Variants in SDK1 observed in about 807,000 individuals in gnomAD.
The protein encoded by SDK1 is protein sidekick-1.
In SDK1, 157 loss-of-function variants were observed where a neutral mutation model predicts 245.5. The observed-to-expected ratio is 0.64, with a 90% CI of 0.56 to 0.73. The LOEUF (loss-of-function observed/expected upper bound fraction) is 0.73. Among genes scored for constraint, SDK1 ranks in the 30% least tolerant of loss-of-function variants. SDK1 has a pLI of 0.00. For missense variants in SDK1, 3,583 were observed against 3,002.3 expected, an observed-to-expected ratio of 1.19 and a Z score of -4.52; for synonymous variants, 1,647 against 1,278.5, an observed-to-expected ratio of 1.29 and a Z score of -6.15.
rs149839477 is a variant in SDK1 at position 4,074,449 on chromosome 7, G to A, written c.3011-2549G>A. Among the ~76,000 whole-genome samples, 297 of 152,272 alleles carry A rather than the reference G, an allele frequency of 2.0e-3. 1 individual carries two copies. The highest frequency in any genetic ancestry group is 0.014 in the Middle Eastern group (4 of 294). On this transcript the variant is annotated intron_variant, in intron 20 of 44. Transcript: ENST00000404826. ...CTTGGTTTCTTCCTTTGTGAAATAG[G>A]ATAACAATGGCTCCAATTTCAAAGG...
chr7:3,590,444 T>C (rs186456152), intron 1 of SDK1, among the ~76,000 whole-genome samples: 63 of 152,212 alleles, frequency 4.1e-4, no homozygotes, highest in African/African-American at 1.5e-3. Flanking sequence ...TGTAACAAAT[T>C]TAATGACAAA....
chr7:3,940,851 G>A (rs1042685120), intron 5 of SDK1, among the ~76,000 whole-genome samples: 1 of 151,952 alleles, frequency 6.6e-6, no homozygotes, highest in Non-Finnish European at 1.5e-5. Flanking sequence ...AAAGGTCAGT[G>A]CTCCCTGGCT....
chr7:3,533,572 A>G (rs1783420098), intron 1 of SDK1, among the ~76,000 whole-genome samples: 2 of 152,342 alleles, frequency 1.3e-5, no homozygotes, highest in African/African-American at 4.8e-5. Flanking sequence ...TCTGTAATGA[A>G]AAATGGCAGT....
At chr7:3,950,570 T>C (rs1425891930) in intron 5 of SDK1, among the ~76,000 whole-genome samples, 2 of 152,242 alleles carry the variant, frequency 1.3e-5, no homozygotes, top group Non-Finnish European at 2.9e-5. Flanking sequence ...TACACATTTA[T>C]GACAGGTGTG....
chr7:3,542,590 C>T (rs144192059), intron 1 of SDK1, among the ~76,000 whole-genome samples: 1 of 152,184 alleles, frequency 6.6e-6, no homozygotes, highest in African/African-American at 2.4e-5. Context: ...ATTAAAATAG[C>T]ATTGATCTTT....
At chr7:4,055,517 T>C (rs1002031750) in intron 19 of SDK1, among the ~76,000 whole-genome samples, 2 of 151,808 alleles carry the variant, frequency 1.3e-5, no homozygotes, top group Non-Finnish European at 2.9e-5. Flanking sequence ...TATTGCTTGA[T>C]TTTTTTGGTT....
At chr7:3,725,768 T>C (rs986018147) in intron 4 of SDK1, among the ~76,000 whole-genome samples, 1 of 152,030 alleles carries the variant, frequency 6.6e-6, no homozygotes, top group Non-Finnish European at 1.5e-5. Context: ...AGTGTGGGAG[T>C]TGTACTGTCG....
At chr7:3,679,742 C>G (rs1343738133) in intron 4 of SDK1, among the ~76,000 whole-genome samples, 1 of 152,170 alleles carries the variant, frequency 6.6e-6, no homozygotes, top group Non-Finnish European at 1.5e-5. Flanking sequence ...AATAAAGAGA[C>G]AGTAACAACA....
chr7:3,988,514 A>G (rs1486053441), intron 14 of SDK1, among the ~76,000 whole-genome samples: 1 of 152,146 alleles, frequency 6.6e-6, no homozygotes, highest in East Asian at 1.9e-4. Flanking sequence ...GCAATATAGA[A>G]GCCAAATGCC....
intron 1 of SDK1, among the ~76,000 whole-genome samples, chr7:3,342,697 A>G (rs933066840): frequency 1.3e-5 from 2 of 152,226 alleles, no homozygotes; most frequent in Admixed American, 6.5e-5. Flanking sequence ...GTAAGTTAGA[A>G]CCAGTTAAAG....
intron 5 of SDK1, among the ~76,000 whole-genome samples, chr7:3,905,166 A>G (rs544886637): frequency 3.3e-5 from 5 of 152,114 alleles, no homozygotes; most frequent in African/African-American, 9.6e-5. Flanking sequence ...ATCAGTTCAT[A>G]GATAACTTCA....
At chr7:3,852,633 C>T (rs1427406616) in intron 5 of SDK1, among the ~76,000 whole-genome samples, 5 of 150,426 alleles carry the variant, frequency 3.3e-5, no homozygotes, top group Admixed American at 3.3e-4. Context: ...CACCTGTAGT[C>T]CCAGCTACTC....
rs1227908284 is a variant in SDK1 at position 3,942,711 on chromosome 7, CTG to C, written c.848-8210_848-8209del. On this transcript the variant is annotated intron_variant, in intron 5 of 44. Transcript: ENST00000404826. ...TACCTGCTGGTTTTTTGGTGGAATC[CTG>C]TTTCTACAAAAAGAAAACCCCATAG... is the stretch of plus-strand genomic sequence containing the variant. 5.9e-5 allele frequency among the ~76,000 whole-genome samples: 9 copies of C among 152,234 alleles called. No individual in the cohort carries two copies. In the Middle Eastern group the frequency reaches 0.01, roughly 173 times the overall value.
In SDK1 at chr7:4,113,446, G is replaced by A; in HGVS notation, c.3585+7G>A. The stretch of plus-strand genomic sequence containing the variant: ...CCTGCGGCTTCGCTGGGTGGTGAGT[G>A]GGGGTGAGAAGGGAGGCTGGAGGCA... On this transcript the variant is annotated splice_region_variant and intron_variant, in intron 24 of 44. Transcript: ENST00000404826. 4 of 1,613,350 alleles carry A rather than the reference G, an allele frequency of 2.5e-6. No individual in the cohort carries two copies. The highest frequency in any genetic ancestry group is 3.4e-6 in the Non-Finnish European group (4 of 1,179,920).
intron 28 of SDK1, among the ~76,000 whole-genome samples, chr7:4,139,629 A>C (rs1401349187): frequency 3.5e-5 from 1 of 28,214 alleles, no homozygotes; most frequent in South Asian, 1.7e-3. Flanking sequence ...GTGTGTGTAT[A>C]TGTATATATG....
chr7:4,047,777 G>C (rs1789127439), intron 17 of SDK1, among the ~76,000 whole-genome samples: 1 of 152,180 alleles, frequency 6.6e-6, no homozygotes, highest in Admixed American at 6.5e-5. Flanking sequence ...CACCTGGCTG[G>C]TATGCAACCT....
chr7:3,833,325 G>C (rs1779956107), intron 5 of SDK1, among the ~76,000 whole-genome samples: 1 of 152,166 alleles, frequency 6.6e-6, no homozygotes, highest in Admixed American at 6.5e-5. Flanking sequence ...TGTCCCATCT[G>C]ACATTAACGG....
intron 1 of SDK1, among the ~76,000 whole-genome samples, chr7:3,573,021 G>T (rs983823335): frequency 2.6e-5 from 4 of 152,062 alleles, no homozygotes; most frequent in African/African-American, 9.6e-5. Flanking sequence ...GACAGTGCCA[G>T]GCCCCAGGAA....
intron 1 of SDK1, among the ~76,000 whole-genome samples, chr7:3,452,448 A>T (rs1161170270): frequency 1.3e-5 from 2 of 152,218 alleles, no homozygotes; most frequent in African/African-American, 2.4e-5. Flanking sequence ...TACTATAAAC[A>T]TCCCTGTAAT....
Sources: allele counts gnomAD v4.1 joint callset (sites outside exome capture counted in the v4.1 genomes callset), GRCh38; gene constraint gnomAD v4.1.1; transcripts MANE v1.5; gene names NCBI Gene and HGNC (gene_info 2026-07-23, HGNC 2026-07-21).